Variants in BRAF observed in about 807,000 individuals in gnomAD.
BRAF encodes the protein serine/threonine-protein kinase B-raf.
BRAF carries 16 observed loss-of-function variants against 104.6 expected under a neutral mutation model. That is an observed-to-expected ratio of 0.15 (90% CI 0.10 to 0.23). The LOEUF is 0.23. Ranked by LOEUF, BRAF falls within the 10% of genes least tolerant of loss-of-function variation. BRAF has a pLI of 1.00. For synonymous variants in BRAF, 310 were observed against 341.6 expected (o/e 0.91, Z 1.02); for missense variants, 541 against 937.3 (o/e 0.58, Z 5.52).
At position 140,720,367 on chromosome 7, in the gene BRAF, A is replaced by G; in HGVS notation, c.*6127T>C. 1 of 1,062,596 alleles carries G rather than the reference A, an allele frequency of 9.4e-7. No homozygotes were observed. Among genetic ancestry groups the G allele is most frequent in the Non-Finnish European group, 1.1e-6 (1 of 877,558 alleles). The allele number at this position is 1,062,596 out of a possible 1,614,324, so 65.8% of individuals were successfully genotyped here. Reference sequence around the variant, plus strand: ...TAAAATGAAGGCAGGAGAAGGGGACAGCACAGAGACATACACCCCTGTATG... The same window carrying G: ...TAAAATGAAGGCAGGAGAAGGGGACGGCACAGAGACATACACCCCTGTATG... On this transcript the variant is annotated 3_prime_UTR_variant, in exon 20 of 20. Coordinates refer to ENST00000644969, the MANE Select transcript of BRAF (RefSeq NM_001374258.1).
At chr7:140,759,094 G>A (rs1233664964) in intron 14 of BRAF, among the ~76,000 whole-genome samples, 6 of 152,148 alleles carry the variant, frequency 3.9e-5, no homozygotes, top group Admixed American at 3.9e-4. Flanking sequence ...ACGGGGTATG[G>A]GTATATCACA....
chr7:140,750,416 C>G, intron 16 of BRAF, among the ~76,000 whole-genome samples: 1 of 152,018 alleles, frequency 6.6e-6, no homozygotes, highest in Non-Finnish European at 1.5e-5. Context: ...GAGCCTTAAA[C>G]CCCTCAACGT....
At chr7:140,785,877 C>A (rs1801302500) in intron 9 of BRAF, 1 of 397,960 alleles carries the variant, frequency 2.5e-6, no homozygotes, top group South Asian at 1.3e-4. Context: ...TGAAAGAAGT[C>A]ATGGGGAATA....
chr7:140,750,991 C>A (rs984410767), intron 16 of BRAF, among the ~76,000 whole-genome samples: 1 of 152,042 alleles, frequency 6.6e-6, no homozygotes, highest in Non-Finnish European at 1.5e-5. Context: ...TTCAAAGGAC[C>A]ACACAGCCTT....
chr7:140,744,463 T>C (rs1049935693), intron 17 of BRAF, among the ~76,000 whole-genome samples: 1 of 152,252 alleles, frequency 6.6e-6, no homozygotes, highest in Non-Finnish European at 1.5e-5. Flanking sequence ...TAATAAACTG[T>C]AACTGTGAAT....
intron 3 of BRAF, among the ~76,000 whole-genome samples, chr7:140,827,431 T>C (rs1446162754): frequency 1.3e-5 from 2 of 152,158 alleles, no homozygotes; most frequent in Non-Finnish European, 2.9e-5. Flanking sequence ...GCAGGCAGTA[T>C]AAATTTGAAT....
At chr7:140,789,607 T>G (rs992473789) in intron 8 of BRAF, among the ~76,000 whole-genome samples, 2 of 152,184 alleles carry the variant, frequency 1.3e-5, no homozygotes, top group African/African-American at 4.8e-5. Context: ...GCTTACAATC[T>G]CATGGGAAGT....
At chr7:140,737,395 G>C (rs1796528933) in intron 18 of BRAF, among the ~76,000 whole-genome samples, 1 of 152,000 alleles carries the variant, frequency 6.6e-6, no homozygotes, top group Non-Finnish European at 1.5e-5. Context: ...TCACTGTTGT[G>C]TCTTTGCATT....
In BRAF at chr7:140,720,603, A is replaced by C; in HGVS notation, c.*5891T>G. 9.4e-7 allele frequency: 1 copy of C among 1,065,508 alleles called. No homozygotes were observed. Among genetic ancestry groups the C allele is most frequent in the Non-Finnish European group, 1.1e-6 (1 of 879,502 alleles). 66.0% of individuals were successfully genotyped at this position (1,065,508 alleles called of 1,614,324 possible). On this transcript the variant is annotated 3_prime_UTR_variant, in exon 20 of 20. Coordinates refer to ENST00000644969, the MANE Select transcript of BRAF (RefSeq NM_001374258.1). Reference sequence around the variant, plus strand: ...TTATTGCACTCTTACATTTGATTTCAGGTAATTACAGTTTATTTCCCACCC... The same window carrying C: ...TTATTGCACTCTTACATTTGATTTCCGGTAATTACAGTTTATTTCCCACCC...
chr7:140,834,939 A>T, intron 2 of BRAF, 67 bp from the exon 3 acceptor site: 3 of 1,579,060 alleles, frequency 1.9e-6, no homozygotes, highest in Non-Finnish European at 1.7e-6. Flanking sequence ...GAGAATATAA[A>T]ATTTTAGCCT....
chr7:140,874,786 C>A (rs1377415140), intron 1 of BRAF, among the ~76,000 whole-genome samples: 1 of 152,114 alleles, frequency 6.6e-6, no homozygotes, highest in Admixed American at 6.5e-5. Context: ...CAAATGTAAT[C>A]CCCAATGTTG....
chr7:140,717,733 C>A (rs1585876682), downstream of BRAF, among the ~76,000 whole-genome samples: 1 of 152,048 alleles, frequency 6.6e-6, no homozygotes, highest in African/African-American at 2.4e-5. Context: ...TTAAGGAAAA[C>A]CTCACATATA....
chr7:140,816,953 T>C (rs1350969875), intron 3 of BRAF, among the ~76,000 whole-genome samples: 1 of 151,754 alleles, frequency 6.6e-6, no homozygotes, highest in East Asian at 1.9e-4. Context: ...TTGGAAGTCC[T>C]AGCTAGAGCA....
At chr7:140,763,470 CCCCACCTCCTTCCCGGACGGGGCGGCTGG>C (rs1344240477) in intron 14 of BRAF, among the ~76,000 whole-genome samples, 1 of 152,196 alleles carries the variant, frequency 6.6e-6, no homozygotes, top group African/African-American at 2.4e-5. Flanking sequence ...GGGCTGACCC[CCCCACCTCCTTCCCGGACGGGGCGGCTGG>C]CCCAGGAGCT....
At chr7:140,843,877 C>T (rs558572364) in intron 2 of BRAF, among the ~76,000 whole-genome samples, 4 of 152,000 alleles carry the variant, frequency 2.6e-5, no homozygotes, top group African/African-American at 2.4e-5. Flanking sequence ...GGCGTGGTGG[C>T]GGGCGCCTGT....
chr7:140,811,097 G>A (rs1286761421), intron 3 of BRAF, among the ~76,000 whole-genome samples: 1 of 152,182 alleles, frequency 6.6e-6, no homozygotes, highest in Non-Finnish European at 1.5e-5. Context: ...TCAGCCGTGA[G>A]TTCAATGTTA....
At chr7:140,841,086 A>G (rs537074224) in intron 2 of BRAF, among the ~76,000 whole-genome samples, 2 of 152,228 alleles carry the variant, frequency 1.3e-5, no homozygotes, top group South Asian at 4.1e-4. Flanking sequence ...ATTTGAATAG[A>G]CATTTCTCCA....
At chr7:140,805,412 A>G (rs1439613016) in intron 5 of BRAF, among the ~76,000 whole-genome samples, 2 of 152,218 alleles carry the variant, frequency 1.3e-5, no homozygotes, top group African/African-American at 2.4e-5. Context: ...GTAGGTGACC[A>G]AAACAGCTGA....
At chr7:140,871,239 CAAAA>C (rs11284186) in intron 1 of BRAF, among the ~76,000 whole-genome samples, 2 of 61,176 alleles carry the variant, frequency 3.3e-5, no homozygotes, top group Admixed American at 2.0e-4. Flanking sequence ...GACTCCGTCT[CAAAA>C]AAAAAAAAAA....
Sources: gnomAD v4.1 joint callset for allele counts (sites outside exome capture counted in the v4.1 genomes callset) on GRCh38, gnomAD v4.1.1 for gene constraint, MANE v1.5 for transcripts, NCBI Gene and HGNC (gene_info 2026-07-23, HGNC 2026-07-21) for gene names.